The following RAVER2 variants were observed in gnomAD, a reference collection of about 807,000 sequenced individuals.
RAVER2 encodes ribonucleoprotein, PTB binding 2.
Under a neutral mutation model 78.1 loss-of-function variants are expected in RAVER2, and 46 were observed. That is an observed-to-expected ratio of 0.59 (90% confidence interval 0.46 to 0.75). The LOEUF (loss-of-function observed/expected upper bound fraction) is 0.75, where lower values mean the gene tolerates loss of function less well. RAVER2 is among the 30% of genes least tolerant of loss of function. The pLI is 0.00. For missense variants in RAVER2, 793 were observed against 837.5 expected (o/e 0.95, Z 0.66); for synonymous variants, 311 against 313.3 (o/e 0.99, Z 0.08).
At chr1:64,794,397 CA>C (rs60233578) in intron 5 of RAVER2, among the ~76,000 whole-genome samples, 5,849 of 60,014 alleles carry the variant, frequency 0.097, 139 homozygotes, top group Admixed American at 0.21. Flanking sequence ...GACTCCGTCT[CA>C]AAAAAAAAAA....
intron 3 of RAVER2, among the ~76,000 whole-genome samples, chr1:64,779,656 A>T (rs1302254451): frequency 6.6e-6 from 1 of 151,406 alleles, no homozygotes; most frequent in Non-Finnish European, 1.5e-5. Context: ...GGATTGGCTT[A>T]TTGATATGTT....
intron 9 of RAVER2, among the ~76,000 whole-genome samples, chr1:64,809,144 A>G (rs1653531391): frequency 6.6e-6 from 1 of 152,224 alleles, no homozygotes; most frequent in African/African-American, 2.4e-5. Context: ...ATTAAGTACA[A>G]CATACAATAA....
intron 1 of RAVER2, among the ~76,000 whole-genome samples, chr1:64,752,870 T>C (rs1454948268): frequency 1.3e-5 from 2 of 152,108 alleles, no homozygotes; most frequent in African/African-American, 4.8e-5. Flanking sequence ...CAGAGACATA[T>C]GGCTCTGGCT....
chr1:64,823,927 G>A (rs977581695), intron 11 of RAVER2, among the ~76,000 whole-genome samples: 2 of 150,898 alleles, frequency 1.3e-5, no homozygotes, highest in African/African-American at 2.4e-5. Flanking sequence ...CTGCCTCAGC[G>A]TCCCGAGTAG....
chr1:64,797,238 G>C (rs1315062880), intron 5 of RAVER2, among the ~76,000 whole-genome samples: 6 of 152,168 alleles, frequency 3.9e-5, no homozygotes, highest in Admixed American at 3.9e-4. Flanking sequence ...GGTTGATAGT[G>C]TTCATGTCTC....
At position 64,778,173 on chromosome 1, in the gene RAVER2, A is replaced by AT. The variant is rs1044541103; in HGVS notation, c.786+82dup. 3 of 1,031,082 alleles carry AT rather than the reference A, an allele frequency of 2.9e-6. No homozygotes were observed. The African/African-American group carries it at 4.9e-5, about 17-fold the overall frequency. The allele number at this position is 1,031,082 out of a possible 1,614,324, so 63.9% of individuals were successfully genotyped here. On this transcript the variant is annotated intron_variant, in intron 3 of 11. Transcript: ENST00000294428. The stretch of plus-strand genomic sequence containing the variant: ...ATCTACATACACTCACAAATTTATC[A>AT]TACCTGTGTGATTAACACAATGGAA...
chr1:64,828,458 T>A (rs1176383011), intron 11 of RAVER2, among the ~76,000 whole-genome samples: 2 of 152,154 alleles, frequency 1.3e-5, no homozygotes, highest in African/African-American at 4.8e-5. Flanking sequence ...CCCTCTTTTG[T>A]GTTTTGTTGT....
chr1:64,802,355 C>T (rs185318617), intron 5 of RAVER2, among the ~76,000 whole-genome samples: 23 of 152,274 alleles, frequency 1.5e-4, no homozygotes, highest in African/African-American at 4.3e-4. Flanking sequence ...CTGGTTCAAA[C>T]ATCTCTGACA....
chr1:64,796,091 A>G (rs1398954715), intron 5 of RAVER2, among the ~76,000 whole-genome samples: 1 of 151,976 alleles, frequency 6.6e-6, no homozygotes, highest in African/African-American at 2.4e-5. Flanking sequence ...TACATTGATG[A>G]TTTTTGAATG....
chr1:64,819,329 A>G (rs997511822), intron 11 of RAVER2, among the ~76,000 whole-genome samples: 2 of 152,190 alleles, frequency 1.3e-5, no homozygotes, highest in Admixed American at 1.3e-4. Flanking sequence ...TTTGGAACTG[A>G]AAACTATAGT....
At chr1:64,748,483 A>T (rs1651605379) in intron 1 of RAVER2, among the ~76,000 whole-genome samples, 1 of 152,190 alleles carries the variant, frequency 6.6e-6, no homozygotes, top group Non-Finnish European at 1.5e-5. Context: ...GTCCTCTCAA[A>T]CTTTTCCTCA....
rs1203916346 is a variant in RAVER2 at position 64,745,696 on chromosome 1, G to T, written c.249+275G>T. Among the ~76,000 whole-genome samples, 3 of 152,086 alleles carry T rather than the reference G, an allele frequency of 2.0e-5. No individual in the cohort carries two copies. Among genetic ancestry groups the T allele is most frequent in the African/African-American group, 7.2e-5 (3 of 41,422 alleles). On this transcript the variant is annotated intron_variant, in intron 1 of 11. Transcript: ENST00000294428. The surrounding 1 kb of genome is among the most constrained non-coding windows in gnomAD (Gnocchi z 4.3). ...GGGCTGCTGCCTCCAAGTTCGGCCCGGTCTTTCCTTCCCCTACGGCCGTAG... is the reference window on the plus strand; with the variant it reads ...GGGCTGCTGCCTCCAAGTTCGGCCCTGTCTTTCCTTCCCCTACGGCCGTAG...
At chr1:64,787,470 G>A (rs1652813102) in intron 4 of RAVER2, among the ~76,000 whole-genome samples, 1 of 152,110 alleles carries the variant, frequency 6.6e-6, no homozygotes. Context: ...TCCCACCCCA[G>A]CCAGGCAGCC....
intron 4 of RAVER2, among the ~76,000 whole-genome samples, chr1:64,787,558 A>G (rs1652815715): frequency 6.6e-6 from 1 of 152,028 alleles, no homozygotes; most frequent in Non-Finnish European, 1.5e-5. Context: ...TAACTCTTCT[A>G]TCCTGCAGAG....
chr1:64,794,503 C>A (rs1420851066), intron 5 of RAVER2, among the ~76,000 whole-genome samples: 1 of 151,782 alleles, frequency 6.6e-6, no homozygotes, highest in African/African-American at 2.4e-5. Flanking sequence ...GTATCCCCAC[C>A]AGTACTTGAT....
chr1:64,800,099 A>C (rs1377318159), intron 5 of RAVER2, among the ~76,000 whole-genome samples: 1 of 147,492 alleles, frequency 6.8e-6, no homozygotes, highest in Middle Eastern at 3.3e-3. Context: ...CCATTTTTAA[A>C]TTGGATTATT....
chr1:64,823,333 G>C (rs943595078), intron 11 of RAVER2, among the ~76,000 whole-genome samples: 3 of 152,122 alleles, frequency 2.0e-5, no homozygotes, highest in Non-Finnish European at 4.4e-5. Flanking sequence ...CTAGTCAGTT[G>C]TAATAATTAA....
At chr1:64,763,672 C>T (rs961866417) in intron 1 of RAVER2, among the ~76,000 whole-genome samples, 5 of 151,980 alleles carry the variant, frequency 3.3e-5, no homozygotes, top group Non-Finnish European at 5.9e-5. Flanking sequence ...GCGGCTGAGA[C>T]GGGCGGATCA....
At chr1:64,827,189 G>C (rs1365722345) in intron 11 of RAVER2, among the ~76,000 whole-genome samples, 1 of 152,204 alleles carries the variant, frequency 6.6e-6, no homozygotes, top group Non-Finnish European at 1.5e-5. Flanking sequence ...TAGTCACTGT[G>C]CGTCTTAAGA....
Sources: gnomAD v4.1 joint callset for allele counts (sites outside exome capture counted in the v4.1 genomes callset) on GRCh38, gnomAD v4.1.1 for gene constraint, Gnocchi (gnomAD v3.1) non-coding constraint, MANE v1.5 for transcripts, NCBI Gene and HGNC (gene_info 2026-07-23, HGNC 2026-07-21) for gene names.